FAT4: variants seen among roughly 807,000 people sequenced by gnomAD.
The protein encoded by FAT4 is protocadherin Fat 4.
FAT4 carries 84 observed loss-of-function variants against 303.9 expected under a neutral mutation model. The ratio of observed to expected loss-of-function variants is 0.28; its 90% CI spans 0.23 to 0.33. FAT4 has a LOEUF of 0.33. FAT4 is among the 10% of genes least tolerant of loss of function. FAT4 has a pLI of 1.00. For missense variants in FAT4, 6,005 were observed against 6,146.8 expected (o/e 0.98, Z 0.77); for synonymous variants, 2,307 against 2,298.8 (o/e 1.00, Z -0.10).
At chr4:125,393,963 G>A (rs1309082553) in intron 2 of FAT4, 1 of 780,324 alleles carries the variant, frequency 1.3e-6, no homozygotes, top group Non-Finnish European at 2.4e-6. Context: ...GGCAGTGGGT[G>A]ATACCTTAGC....
chr4:125,468,459 TA>T, intron 11 of FAT4, 52 bp from the exon 12 acceptor site: 1 of 1,238,986 alleles, frequency 8.1e-7, no homozygotes, highest in Non-Finnish European at 1.1e-6. Flanking sequence ...TCAAAATATA[TA>T]ATAAAATTTT....
Position 125,451,937 on chromosome 4 carries a change from C to A in FAT4, c.10927C>A (p.Pro3643Thr). 6.2e-7 allele frequency: 1 copy of A among 1,614,090 alleles called. No homozygotes were observed. Among genetic ancestry groups the A allele is most frequent in the Non-Finnish European group, 8.5e-7 (1 of 1,180,016 alleles). ...TTTAGGCTCTGTGAAGCCACAGGAT[C>A]CAGATGTGTTAGACAGCTTCCACTG... ...GILGSVKPQDPDVLDSFHCSL... is the reference protein window; with the variant it reads ...GILGSVKPQDTDVLDSFHCSL... The change falls in exon 10 of 18, where the codon CCA becomes ACA. Residue 3643 changes from proline to threonine, a missense_variant. Pro to Thr is a conservative substitution (Grantham distance 38). Transcript: ENST00000394329.
rs945534823 is a variant in FAT4, at chr4:125,489,906, T to G, written c.13090T>G (p.Phe4364Val). Residue 4364 changes from phenylalanine (F) to valine (V), a missense_variant, in exon 18 of 18, where the codon TTT (phenylalanine) becomes GTT (valine). Transcript: ENST00000394329. ...QAHRDAQTAG[F>V]DGCIASMWYG... ...ACTCCTTCTTCTTCTCCCAGCAGGT[T>G]TTGATGGCTGCATTGCTTCTATGTG... 1 of 1,387,270 alleles carries G rather than the reference T, an allele frequency of 7.2e-7. No individual in the cohort carries two copies. The highest frequency in any genetic ancestry group is 9.8e-7 in the Non-Finnish European group (1 of 1,024,762). 85.9% of individuals were successfully genotyped at this position (1,387,270 alleles called of 1,614,324 possible).
intron 2 of FAT4, among the ~76,000 whole-genome samples, chr4:125,389,747 A>C (rs138133268): frequency 6.6e-6 from 1 of 152,328 alleles, no homozygotes; most frequent in East Asian, 1.9e-4. Flanking sequence ...ACAGTAAACT[A>C]TTATTAGAGT....
intron 2 of FAT4, among the ~76,000 whole-genome samples, chr4:125,373,929 CTA>C (rs1405870573): frequency 3.9e-5 from 6 of 152,148 alleles, no homozygotes; most frequent in Non-Finnish European, 7.4e-5. Flanking sequence ...ATAATAAGGA[CTA>C]TGTATATATG....
At position 125,337,513 on chromosome 4, in the gene FAT4, C is replaced by T. The variant is rs538505624; in HGVS notation, c.5175+15927C>T. Among the ~76,000 whole-genome samples, 6 of 152,008 alleles carry T rather than the reference C, an allele frequency of 3.9e-5. No individual in the cohort carries two copies. The East Asian group carries it at 1.2e-3, about 29-fold the overall frequency. The stretch of plus-strand genomic sequence containing the variant: ...TTAAAAATAAATGAATCAACATTTG[C>T]TTTTAATAATGACCCTGAGAGAAGG... On this transcript the variant is annotated intron_variant, in intron 2 of 17. Coordinates refer to ENST00000394329, the MANE Select transcript of FAT4 (RefSeq NM_001291303.3).
Position 125,318,375 on chromosome 4 carries a change from AC to A in FAT4, c.1965del (p.Ser656ProfsTer20), listed in dbSNP as rs1336699262. ...SSLDREEQAF[Y>X]SLLVLATDLG... ...TTGGACAGAGAAGAGCAAGCCTTCT[AC>A]TCCCTGTTGGTTCTGGCCACAGATC... On this transcript the variant is annotated frameshift_variant, in exon 2 of 18. Coordinates refer to ENST00000394329, the MANE Select transcript of FAT4 (RefSeq NM_001291303.3). LOFTEE classifies it high-confidence loss of function. 1 of 1,613,826 alleles carries A rather than the reference AC, an allele frequency of 6.2e-7. No individual in the cohort carries two copies. The highest frequency in any genetic ancestry group is 1.3e-5 in the African/African-American group (1 of 74,806).
At chr4:125,442,580 T>G (rs1246397191) in intron 8 of FAT4, among the ~76,000 whole-genome samples, 1 of 152,154 alleles carries the variant, frequency 6.6e-6, no homozygotes, top group Admixed American at 6.6e-5. Flanking sequence ...TCACAAACCT[T>G]GTTTCAAGCA....
chr4:125,491,673 G>A lies in FAT4; in HGVS notation c.14857G>A (p.Ala4953Thr), dbSNP rs1244653699. 2 of 1,614,166 alleles carry A rather than the reference G, an allele frequency of 1.2e-6. No homozygotes were observed. The highest frequency in any genetic ancestry group is 1.7e-6 in the Non-Finnish European group (2 of 1,180,022). The part of the protein sequence containing the change: ...GHYVDVFKDL[A>T]SLPEKAAANE... ...TTATGTAGATGTTTTTAAAGATTTG[G>A]CATCTCTTCCAGAAAAAGCAGCAGC... is the stretch of plus-strand genomic sequence containing the variant. Residue 4953 changes from alanine (A) to threonine (T), a missense_variant, in exon 18 of 18, where the codon GCA becomes ACA. Transcript: ENST00000394329.
chr4:125,331,136 A>T (rs139698120), intron 2 of FAT4, among the ~76,000 whole-genome samples: 2 of 152,074 alleles, frequency 1.3e-5, no homozygotes, highest in Non-Finnish European at 2.9e-5. Context: ...ACCCGACATA[A>T]CACATATGTT....
intron 2 of FAT4, among the ~76,000 whole-genome samples, chr4:125,378,494 T>C (rs1377891599): frequency 1.3e-5 from 2 of 152,108 alleles, no homozygotes; most frequent in African/African-American, 4.8e-5. Flanking sequence ...GTGAGCTAAG[T>C]ATGGTCAAGA....
chr4:125,451,332 G>A lies in FAT4; in HGVS notation c.10322G>A (p.Arg3441Lys). ...TCAGACTCCATCCCCAGCTGGAGCA[G>A]GTTTTCTTACTTCATCGGATCAGGG... ...FDSDSIPSWS[R>K]FSYFIGSGNE... The change falls in exon 10 of 18, where the codon AGG becomes AAG. Residue 3441 changes from arginine to lysine, a missense_variant. By Grantham distance (26) the Arg-to-Lys change is conservative. Coordinates refer to ENST00000394329, the MANE Select transcript of FAT4 (RefSeq NM_001291303.3). 6.2e-7 allele frequency: 1 copy of A among 1,614,100 alleles called. No homozygotes were observed. The highest frequency in any genetic ancestry group is 2.2e-5 in the East Asian group (1 of 44,864).
At chr4:125,418,904 TA>T (rs1735174552) in intron 7 of FAT4, among the ~76,000 whole-genome samples, 1 of 212 alleles carries the variant, frequency 4.7e-3, no homozygotes, top group South Asian at 0.12. Flanking sequence ...GTGCAATAAA[TA>T]AAATAATGTT....
chr4:125,491,800 A>G lies in FAT4; in HGVS notation c.*32A>G. ...TGTACTGGCACTATAAAATATAAAAACAAGAAATAATACTCAAACCATTGT... is the reference window on the plus strand; with the variant it reads ...TGTACTGGCACTATAAAATATAAAAGCAAGAAATAATACTCAAACCATTGT... On this transcript the variant is annotated 3_prime_UTR_variant, in exon 18 of 18. Transcript: ENST00000394329. 6.5e-7 allele frequency: 1 copy of G among 1,537,874 alleles called. No homozygotes were observed. Among genetic ancestry groups the G allele is most frequent in the Non-Finnish European group, 8.7e-7 (1 of 1,145,136 alleles).
chr4:125,326,543 T>G (rs1258643769), intron 2 of FAT4, among the ~76,000 whole-genome samples: 1 of 152,160 alleles, frequency 6.6e-6, no homozygotes, highest in South Asian at 2.1e-4. Flanking sequence ...GATAAGTTAA[T>G]AAGTCGCTTA....
At chr4:125,386,347 G>A (rs973886875) in intron 2 of FAT4, among the ~76,000 whole-genome samples, 7 of 152,052 alleles carry the variant, frequency 4.6e-5, no homozygotes, top group East Asian at 1.9e-4. Flanking sequence ...GCACCATCTC[G>A]GCTTACTGCA....
rs1734635142 is a variant in FAT4, at chr4:125,406,911, T to G, written c.5339T>G (p.Ile1780Ser). The G allele has an allele frequency of 9.9e-6, 16 of 1,613,768 alleles. No individual in the cohort carries two copies. Among genetic ancestry groups the G allele is most frequent in the African/African-American group, 1.3e-5 (1 of 75,000 alleles). ...AATGCTCTCGTCACATACACTATCA[T>G]TAGTGGAGCTGATGATAGTTTTCGC... is the stretch of plus-strand genomic sequence containing the variant. ...GANALVTYTIISGADDSFRID... is the reference protein window; with the variant it reads ...GANALVTYTISSGADDSFRID... Residue 1780 changes from isoleucine to serine, a missense_variant, in exon 4 of 18, where the codon ATT becomes AGT. Ile to Ser is a moderately radical substitution (Grantham distance 142, BLOSUM62 -2). Transcript: ENST00000394329.
chr4:125,484,223 G>A (rs1458709079), intron 16 of FAT4, among the ~76,000 whole-genome samples: 1 of 151,986 alleles, frequency 6.6e-6, no homozygotes, highest in Non-Finnish European at 1.5e-5. Context: ...TGAGAGGAGA[G>A]AGAAGAATAT....
Position 125,382,799 on chromosome 4 carries a change from C to T in FAT4, c.5176-15985C>T, listed in dbSNP as rs75446401. On this transcript the variant is annotated intron_variant, in intron 2 of 17. Transcript: ENST00000394329. ...ATTGAAAATCTGTTTTTTAATGAAGCCACCTTTATCAATTATCTTTGCTAG... is the reference window on the plus strand; with the variant it reads ...ATTGAAAATCTGTTTTTTAATGAAGTCACCTTTATCAATTATCTTTGCTAG... Among the ~76,000 whole-genome samples the T allele has an allele frequency of 2.0e-3, 298 of 152,312 alleles. 1 individual carries two copies. Among genetic ancestry groups the T allele is most frequent in the African/African-American group, 6.9e-3 (287 of 41,570 alleles).
Sources: allele counts gnomAD v4.1 joint callset (sites outside exome capture counted in the v4.1 genomes callset), GRCh38; gene constraint gnomAD v4.1.1; transcripts MANE v1.5; gene names NCBI Gene and HGNC (gene_info 2026-07-23, HGNC 2026-07-21).